Variants in FTCDNL1 observed in about 807,000 individuals in gnomAD.
FTCDNL1 encodes formiminotransferase N-terminal subdomain-containing protein.
FTCDNL1 carries 11 observed loss-of-function variants against 5.9 expected under a neutral mutation model. The ratio of observed to expected loss-of-function variants is 1.87; its 90% confidence interval spans 1.18 to 3.10. FTCDNL1 has a LOEUF of 3.10. Ranked by LOEUF, FTCDNL1 falls within the 30% of genes most tolerant of loss-of-function variation. The pLI is 0.00. For synonymous variants in FTCDNL1, 58 were observed against 24.8 expected (o/e 2.34, Z -3.99); for missense variants, 115 against 65.5 (o/e 1.76, Z -2.61).
the FTCDNL1 span, among the ~76,000 whole-genome samples, chr2:199,750,118 C>T: frequency 6.6e-6 from 1 of 151,590 alleles, no homozygotes; most frequent in Non-Finnish European, 1.5e-5. Flanking sequence ...CTTTGGGAGG[C>T]TGAGGCAGGT....
intron 1 of FTCDNL1, among the ~76,000 whole-genome samples, chr2:199,849,792 C>T (rs1178663255): frequency 6.6e-6 from 1 of 152,094 alleles, no homozygotes; most frequent in African/African-American, 2.4e-5. Context: ...AATAATTTCC[C>T]TCTTCAAGTT....
At chr2:199,785,078 C>T (rs1699565562) in intron 3 of FTCDNL1, among the ~76,000 whole-genome samples, 1 of 152,010 alleles carries the variant, frequency 6.6e-6, no homozygotes, top group African/African-American at 2.4e-5. Context: ...TTGTTGCTCA[C>T]CCCGTTTGCT....
intron 3 of FTCDNL1, among the ~76,000 whole-genome samples, chr2:199,774,639 G>C (rs1220762969): frequency 6.6e-6 from 1 of 152,028 alleles, no homozygotes; most frequent in African/African-American, 2.4e-5. Flanking sequence ...ACCCACCCAG[G>C]TATCCCCTTT....
the FTCDNL1 span, among the ~76,000 whole-genome samples, chr2:199,695,441 T>C: frequency 1.3e-5 from 2 of 152,176 alleles, no homozygotes; most frequent in Non-Finnish European, 2.9e-5. Context: ...GCACACCAGA[T>C]TTTGATGACT....
At chr2:199,735,783 G>A in the FTCDNL1 span, among the ~76,000 whole-genome samples, 15 of 152,158 alleles carry the variant, frequency 9.9e-5, no homozygotes, top group Admixed American at 9.2e-4. Context: ...CATATTCACA[G>A]CTCTATCATA....
intron 3 of FTCDNL1, among the ~76,000 whole-genome samples, chr2:199,829,836 A>G (rs1702256530): frequency 6.6e-6 from 1 of 152,198 alleles, no homozygotes; most frequent in Admixed American, 6.6e-5. Flanking sequence ...CAGAACTTAG[A>G]AAAAAGACCT....
chr2:199,751,559 C>A, the FTCDNL1 span, among the ~76,000 whole-genome samples: 10 of 152,202 alleles, frequency 6.6e-5, no homozygotes, highest in Non-Finnish European at 1.2e-4. Context: ...TCAGGCACAG[C>A]CGTCTTTGTT....
chr2:199,769,492 T>C (rs11884020), intron 3 of FTCDNL1, among the ~76,000 whole-genome samples: 25,934 of 152,196 alleles, frequency 0.17, 4,467 homozygotes, highest in African/African-American at 0.45. Flanking sequence ...CCCCCAGCCA[T>C]GTGGAATTGT....
chr2:199,731,480 T>G, the FTCDNL1 span, among the ~76,000 whole-genome samples: 1 of 152,206 alleles, frequency 6.6e-6, no homozygotes, highest in Non-Finnish European at 1.5e-5. Context: ...ATTAGACAGA[T>G]GACTTGCACC....
intron 3 of FTCDNL1, among the ~76,000 whole-genome samples, chr2:199,820,386 G>A (rs1217998762): frequency 6.6e-6 from 1 of 152,098 alleles, no homozygotes; most frequent in African/African-American, 2.4e-5. Flanking sequence ...GGAGGATAGA[G>A]TGAAGCCAGG....
At chr2:199,765,620 T>C (rs1195494011) in intron 3 of FTCDNL1, among the ~76,000 whole-genome samples, 3 of 141,374 alleles carry the variant, frequency 2.1e-5, no homozygotes, top group African/African-American at 2.6e-5. Flanking sequence ...TGATCTCAGC[T>C]CACAGCAACC....
chr2:199,692,690 C>A, the FTCDNL1 span, among the ~76,000 whole-genome samples: 2 of 152,290 alleles, frequency 1.3e-5, no homozygotes, highest in Non-Finnish European at 2.9e-5. Flanking sequence ...CTGGCAGGCA[C>A]CCAAAAACTC....
intron 3 of FTCDNL1, among the ~76,000 whole-genome samples, chr2:199,769,533 T>C (rs182859443): frequency 3.9e-4 from 60 of 152,332 alleles, no homozygotes; most frequent in Admixed American, 1.2e-3. Context: ...CTTGATAAAT[T>C]ACTCAGTCTC....
At position 199,800,113 on chromosome 2, in the gene FTCDNL1, A is replaced by G. The variant is rs115645075; in HGVS notation, c.212-39278T>C. On this transcript the variant is annotated intron_variant, in intron 3 of 3. Coordinates refer to the FTCDNL1 transcript ENST00000416668. ...GTGAGCTAGGAAAGAAAGGACAGGCATAACGGAGCATGTAACCTACCCTGG... is the reference window on the plus strand; with the variant it reads ...GTGAGCTAGGAAAGAAAGGACAGGCGTAACGGAGCATGTAACCTACCCTGG... Among the ~76,000 whole-genome samples the G allele has an allele frequency of 5.0e-3, 756 of 152,244 alleles. 15 individuals carry two copies. The highest frequency in any genetic ancestry group is 0.017 in the African/African-American group (721 of 41,512).
At chr2:199,690,516 AT>A in the FTCDNL1 span, among the ~76,000 whole-genome samples, 1 of 152,244 alleles carries the variant, frequency 6.6e-6, no homozygotes, top group East Asian at 1.9e-4. Flanking sequence ...CCTTTCTGTG[AT>A]TAGCAAACTC....
downstream of FTCDNL1, among the ~76,000 whole-genome samples, chr2:199,756,849 C>T (rs573845211): frequency 9.2e-5 from 14 of 152,318 alleles, no homozygotes; most frequent in Non-Finnish European, 1.6e-4. Context: ...ACTGATGGAG[C>T]AGTCTCCATC....
At chr2:199,724,979 G>C in the FTCDNL1 span, among the ~76,000 whole-genome samples, 2 of 152,070 alleles carry the variant, frequency 1.3e-5, no homozygotes, top group African/African-American at 4.8e-5. Context: ...TGACAACAAG[G>C]TGTTAAAGTC....
At position 199,812,696 on chromosome 2, in the gene FTCDNL1, A is replaced by G; in HGVS notation, c.*9T>C. 1 of 699,190 alleles carries G rather than the reference A, an allele frequency of 1.4e-6. No individual in the cohort carries two copies. The highest frequency in any genetic ancestry group is 2.6e-6 in the Non-Finnish European group (1 of 383,622). The allele number at this position is 699,190 out of a possible 1,614,324, so 43.3% of individuals were successfully genotyped here. On this transcript the variant is annotated 3_prime_UTR_variant, in exon 5 of 5. Coordinates refer to ENST00000420128, the MANE Select transcript of FTCDNL1 (RefSeq NM_001363886.2). ...AGGCTGAAATTCCAATTTTCTTCCA[A>G]CACAACTGTCACAACGCCCTGAAGC...
intron 4 of FTCDNL1, among the ~76,000 whole-genome samples, chr2:199,813,789 T>C (rs879749673): frequency 8.6e-5 from 13 of 151,826 alleles, no homozygotes; most frequent in African/African-American, 3.1e-4. Context: ...CGCGTGCCTG[T>C]AGTCCCAGCT....
Sources: allele counts gnomAD v4.1 joint callset (sites outside exome capture counted in the v4.1 genomes callset), GRCh38; gene constraint gnomAD v4.1.1; transcripts MANE v1.5; gene names NCBI Gene and HGNC (gene_info 2026-07-23, HGNC 2026-07-21).